The following GPR89B variants were observed in gnomAD, a reference collection of about 807,000 sequenced individuals.
GPR89B encodes the protein G protein-coupled receptor 89B.
In GPR89B, 25 loss-of-function variants were observed where a neutral mutation model predicts 52.4. The ratio of observed to expected loss-of-function variants is 0.48; its 90% CI spans 0.35 to 0.67. GPR89B has a LOEUF of 0.67. GPR89B is among the 30% of genes least tolerant of loss of function. The probability of loss-of-function intolerance (pLI) is 0.01; values close to 1 mark genes in which losing one functional copy is unlikely to be tolerated. For synonymous variants in GPR89B, 52 were observed against 151.2 expected (o/e 0.34, Z 4.81); for missense variants, 146 against 450.2 (o/e 0.32, Z 6.11).
At chr1:147,949,567 C>A (rs587743471) in intron 5 of GPR89B, among the ~76,000 whole-genome samples, 13 of 129,254 alleles carry the variant, frequency 1.0e-4, no homozygotes, top group Non-Finnish European at 1.9e-4. Flanking sequence ...GCTGGCCGGG[C>A]GGGGGGCTGA....
chr1:147,950,552 A>G (rs1347308332), intron 5 of GPR89B, among the ~76,000 whole-genome samples: 5 of 152,192 alleles, frequency 3.3e-5, no homozygotes, highest in East Asian at 1.9e-4. Context: ...AGAGGCTGCA[A>G]TCTTGGCACT....
At chr1:148,004,323 A>ATTTT in the GPR89B span, among the ~76,000 whole-genome samples, 84 of 141,596 alleles carry the variant, frequency 5.9e-4, no homozygotes, top group African/African-American at 2.0e-3. Flanking sequence ...CACCTGGCTA[A>ATTTT]TTTTTTTTTT....
intron 5 of GPR89B, among the ~76,000 whole-genome samples, chr1:147,945,443 A>G (rs1419365044): frequency 6.6e-6 from 1 of 152,212 alleles, no homozygotes; most frequent in African/African-American, 2.4e-5. Context: ...CTGATTGCCT[A>G]TAGCAGGAAT....
At chr1:147,952,335 A>G (rs1553251205) in intron 5 of GPR89B, among the ~76,000 whole-genome samples, 1 of 151,810 alleles carries the variant, frequency 6.6e-6, no homozygotes. Flanking sequence ...CAGAAGGAAG[A>G]TAGTAGGAGA....
chr1:147,937,709 G>T (rs1654207404), intron 2 of GPR89B, among the ~76,000 whole-genome samples: 1 of 152,156 alleles, frequency 6.6e-6, no homozygotes, highest in South Asian at 2.1e-4. Flanking sequence ...CGGACCTTAT[G>T]GTTATCTTTC....
At chr1:148,013,538 C>G in the GPR89B span, among the ~76,000 whole-genome samples, 2 of 152,070 alleles carry the variant, frequency 1.3e-5, no homozygotes, top group Non-Finnish European at 2.9e-5. Flanking sequence ...GAGCATTTCC[C>G]GAGTGTCTTT....
At chr1:147,952,199 G>A (rs587740773) in intron 5 of GPR89B, among the ~76,000 whole-genome samples, 3 of 152,210 alleles carry the variant, frequency 2.0e-5, no homozygotes, top group Admixed American at 1.3e-4. Context: ...TAGGTCTGGA[G>A]ACCATACATT....
the GPR89B span, among the ~76,000 whole-genome samples, chr1:148,012,450 G>A: frequency 6.6e-6 from 1 of 151,672 alleles, no homozygotes; most frequent in Non-Finnish European, 1.5e-5. Context: ...CCTGGCCTGT[G>A]AGCTGCTTCC....
At chr1:147,985,944 G>A (rs1359709621) in intron 10 of GPR89B, among the ~76,000 whole-genome samples, 2 of 152,152 alleles carry the variant, frequency 1.3e-5, no homozygotes, top group African/African-American at 4.8e-5. Context: ...ATAAATTAAG[G>A]CATAATGCCG....
chr1:147,983,396 A>T (rs1434759744), intron 10 of GPR89B, among the ~76,000 whole-genome samples: 1 of 152,148 alleles, frequency 6.6e-6, no homozygotes, highest in Non-Finnish European at 1.5e-5. Flanking sequence ...GGCAACCTAC[A>T]GAATGGGAGA....
chr1:147,935,647 G>A (rs6593844), intron 1 of GPR89B, among the ~76,000 whole-genome samples: 1 of 152,172 alleles, frequency 6.6e-6, no homozygotes, highest in East Asian at 1.9e-4. Flanking sequence ...TCTGAAGGAA[G>A]CAGATATAAA....
intron 8 of GPR89B, 48 bp from the exon 9 acceptor site, chr1:147,968,827 T>G: frequency 6.2e-7 from 1 of 1,613,538 alleles, no homozygotes; most frequent in Non-Finnish European, 8.5e-7. Context: ...CATTGCCATT[T>G]CTTGAAATTC....
At chr1:147,995,753 A>G (rs1378149591), downstream of GPR89B, 2 of 1,604,300 alleles carry the variant, frequency 1.2e-6, no homozygotes, top group Non-Finnish European at 1.7e-6. Flanking sequence ...TAGAAGTGTG[A>G]CATTCTTCCC....
At chr1:148,016,627 T>C in the GPR89B span, among the ~76,000 whole-genome samples, 1,006 of 151,908 alleles carry the variant, frequency 6.6e-3, 27 homozygotes, top group African/African-American at 0.023. Flanking sequence ...TCTTCAAAAA[T>C]TGGCTGGGAA....
At chr1:147,992,619 T>C in intron 13 of GPR89B, 52 bp downstream of exon 13, 1 of 1,610,912 alleles carries the variant, frequency 6.2e-7, no homozygotes, top group East Asian at 2.2e-5. Context: ...ATCAGAAATG[T>C]GCTTGATACT....
the GPR89B span, among the ~76,000 whole-genome samples, chr1:147,999,828 T>C: frequency 9.0e-3 from 1,369 of 152,096 alleles, 30 homozygotes; most frequent in East Asian, 0.047. Flanking sequence ...TTCTACATGC[T>C]CTGAATATTC....
At chr1:147,932,248 G>A (rs1553247164) in intron 1 of GPR89B, among the ~76,000 whole-genome samples, 1 of 151,648 alleles carries the variant, frequency 6.6e-6, no homozygotes, top group African/African-American at 2.4e-5. Flanking sequence ...AGGATATCCT[G>A]GACATTTTCT....
chr1:148,008,813 A>G, the GPR89B span, among the ~76,000 whole-genome samples: 1 of 152,150 alleles, frequency 6.6e-6, no homozygotes, highest in South Asian at 2.1e-4. Context: ...AAAATGTTAC[A>G]GGAGGGTGGA....
At chr1:147,984,338 TA>T (rs1293919842) in intron 10 of GPR89B, among the ~76,000 whole-genome samples, 1 of 149,574 alleles carries the variant, frequency 6.7e-6, no homozygotes, top group Admixed American at 6.7e-5. Context: ...AATAATAAAA[TA>T]AAATAAAAAC....
Sources: gnomAD v4.1 joint callset for allele counts (sites outside exome capture counted in the v4.1 genomes callset) on GRCh38, gnomAD v4.1.1 for gene constraint, MANE v1.5 for transcripts, NCBI Gene and HGNC (gene_info 2026-07-23, HGNC 2026-07-21) for gene names.